The following KALRN variants were observed in gnomAD, a reference collection of about 807,000 sequenced individuals.
KALRN encodes the protein kalirin RhoGEF kinase.
In KALRN, 70 loss-of-function variants were observed where a neutral mutation model predicts 353.7. The ratio of observed to expected loss-of-function variants is 0.20; its 90% CI spans 0.16 to 0.24. The LOEUF (loss-of-function observed/expected upper bound fraction) is 0.24. Ranked by LOEUF, KALRN falls within the 10% of genes least tolerant of loss-of-function variation. The pLI is 1.00. For synonymous variants in KALRN, 1,391 were observed against 1,434.8 expected (o/e 0.97, Z 0.69); for missense variants, 2,791 against 3,756.7 (o/e 0.74, Z 6.72).
intron 45 of KALRN, among the ~76,000 whole-genome samples, chr3:124,664,839 T>C (rs3755688): frequency 0.14 from 20,578 of 152,266 alleles, 1,757 homozygotes; most frequent in Middle Eastern, 0.21. Context: ...CCCATGGCTT[T>C]GGGCTTGAGA....
At chr3:124,154,067 G>A (rs1214881243) in intron 1 of KALRN, among the ~76,000 whole-genome samples, 3 of 152,126 alleles carry the variant, frequency 2.0e-5, no homozygotes, top group East Asian at 1.9e-4. Flanking sequence ...CATTTTGTAG[G>A]TTGCCTGTTC....
At chr3:124,046,682 G>T (rs552071736) in intron 1 of KALRN, among the ~76,000 whole-genome samples, 18 of 152,198 alleles carry the variant, frequency 1.2e-4, no homozygotes, top group Non-Finnish European at 1.9e-4. Context: ...TGAGGATGAG[G>T]TGTGCACTTC....
chr3:124,052,951 G>A (rs958773102), intron 1 of KALRN, among the ~76,000 whole-genome samples: 30 of 152,260 alleles, frequency 2.0e-4, no homozygotes, highest in East Asian at 1.7e-3. Context: ...ACATCATGGA[G>A]AATTAGAGGA....
chr3:124,606,590 G>A (rs1181223742), intron 34 of KALRN, among the ~76,000 whole-genome samples: 3 of 152,028 alleles, frequency 2.0e-5, no homozygotes, highest in Non-Finnish European at 4.4e-5. Flanking sequence ...TTTTCTTAAC[G>A]TTAAAGTCAG....
intron 13 of KALRN, among the ~76,000 whole-genome samples, chr3:124,406,354 A>T (rs1414513906): frequency 1.3e-5 from 2 of 152,224 alleles, no homozygotes. Context: ...ATTGGACAAG[A>T]AGAGTAAATG....
chr3:124,051,268 A>G (rs928312331), intron 1 of KALRN, among the ~76,000 whole-genome samples: 1 of 152,216 alleles, frequency 6.6e-6, no homozygotes, highest in East Asian at 1.9e-4. Flanking sequence ...GGATTACATT[A>G]TAGAGCTGCA....
chr3:124,123,543 TA>T (rs1255481220), intron 1 of KALRN, among the ~76,000 whole-genome samples: 1 of 152,108 alleles, frequency 6.6e-6, no homozygotes, highest in Non-Finnish European at 1.5e-5. Flanking sequence ...CTTTACAACA[TA>T]AAAATGCAAG....
At chr3:124,545,652 G>A (rs1324444921) in intron 33 of KALRN, among the ~76,000 whole-genome samples, 2 of 152,134 alleles carry the variant, frequency 1.3e-5, no homozygotes, top group African/African-American at 4.8e-5. Context: ...GCCAGGGCAG[G>A]GGGTTGGGCC....
chr3:124,648,903 A>C (rs1484472252), intron 37 of KALRN, among the ~76,000 whole-genome samples: 1 of 152,164 alleles, frequency 6.6e-6, no homozygotes, highest in African/African-American at 2.4e-5. Flanking sequence ...TGTATCTATA[A>C]ATTGAGCTAA....
intron 25 of KALRN, among the ~76,000 whole-genome samples, chr3:124,465,934 A>G (rs1287000578): frequency 6.6e-6 from 1 of 152,150 alleles, no homozygotes; most frequent in Non-Finnish European, 1.5e-5. Flanking sequence ...ACCTAGACCA[A>G]GGGTTATGTG....
chr3:124,395,540 G>A (rs1266595385), intron 12 of KALRN, 197 bp downstream of exon 12: 1 of 541,366 alleles, frequency 1.8e-6, no homozygotes, highest in African/African-American at 1.9e-5. Flanking sequence ...AAGCTTTAAT[G>A]TTTCAAAGAA....
intron 1 of KALRN, among the ~76,000 whole-genome samples, chr3:124,081,507 A>C (rs2060541055): frequency 6.6e-6 from 1 of 152,220 alleles, no homozygotes; most frequent in African/African-American, 2.4e-5. Context: ...ACAGTGGCTC[A>C]CGCCTGTAAT....
Position 124,637,150 on chromosome 3 carries a change from A to T in KALRN, c.5569-58A>T. 2.2e-6 allele frequency: 3 copies of T among 1,347,676 alleles called. No individual in the cohort carries two copies. In the South Asian group the frequency reaches 3.5e-5, roughly 16 times the overall value. 83.5% of individuals were successfully genotyped at this position (1,347,676 alleles called of 1,614,324 possible). On this transcript the variant is annotated intron_variant, in intron 36 of 59. Coordinates refer to ENST00000682506, the MANE Select transcript of KALRN (RefSeq NM_001388419.1). ...TTTGGACTTTCTGTTTTATTTCCTG[A>T]TCACTGTTCCTTATTCTTTGCTAAT...
At chr3:124,479,371 G>A (rs1402381626) in intron 27 of KALRN, among the ~76,000 whole-genome samples, 2 of 152,226 alleles carry the variant, frequency 1.3e-5, no homozygotes, top group East Asian at 3.8e-4. Context: ...ACAGAAGACA[G>A]TAAACTCTCC....
chr3:124,675,984 C>G (rs2087141063), intron 49 of KALRN, among the ~76,000 whole-genome samples: 1 of 152,148 alleles, frequency 6.6e-6, no homozygotes, highest in South Asian at 2.1e-4. Flanking sequence ...CCCTAAGGCA[C>G]AATAGCCCCC....
chr3:124,269,098 C>T lies in KALRN; in HGVS notation c.812C>T (p.Pro271Leu). The part of the protein sequence containing the change: ...SDGFSGRNCI[P>L]GSADFQSLVP... ...GGCTTCTCAGGACGCAACTGCATCC[C>T]GGGCAGTGCTGACTTCCAGAGCCTG... The change falls in exon 5 of 60, where the codon CCG becomes CTG. Residue 271 changes from proline to leucine, a missense_variant. Pro to Leu is a moderately conservative substitution (Grantham distance 98). Transcript: ENST00000682506. 4 of 1,612,766 alleles carry T rather than the reference C, an allele frequency of 2.5e-6. No individual in the cohort carries two copies. The highest frequency in any genetic ancestry group is 2.2e-5 in the East Asian group (1 of 44,822).
intron 33 of KALRN, among the ~76,000 whole-genome samples, chr3:124,520,791 G>C (rs192811290): frequency 6.6e-6 from 1 of 152,326 alleles, no homozygotes; most frequent in East Asian, 1.9e-4. Context: ...GCGCTTTTCT[G>C]ACACCAAGTA....
intron 33 of KALRN, among the ~76,000 whole-genome samples, chr3:124,562,386 A>G (rs1370211192): frequency 6.6e-6 from 1 of 152,130 alleles, no homozygotes; most frequent in Non-Finnish European, 1.5e-5. Context: ...ATAGATGCCC[A>G]TACAATAGGA....
At chr3:124,477,476 A>G in intron 27 of KALRN, 142 bp downstream of exon 27, 1 of 653,726 alleles carries the variant, frequency 1.5e-6, no homozygotes. Flanking sequence ...ATGGAAAAAA[A>G]GCAAAAACAG....
Sources: allele counts gnomAD v4.1 joint callset (sites outside exome capture counted in the v4.1 genomes callset), GRCh38; gene constraint gnomAD v4.1.1; transcripts MANE v1.5; gene names NCBI Gene and HGNC (gene_info 2026-07-23, HGNC 2026-07-21).